Variants in NRXN1 observed in about 807,000 individuals in gnomAD.
NRXN1 encodes the protein neurexin 1.
Under a neutral mutation model 150.9 loss-of-function variants are expected in NRXN1, and 39 were observed. The ratio of observed to expected loss-of-function variants is 0.26; its 90% confidence interval spans 0.20 to 0.34. The LOEUF is 0.34. Among genes scored for constraint, NRXN1 ranks in the 10% least tolerant of loss-of-function variants. The pLI, the probability that NRXN1 is intolerant of heterozygous loss-of-function variation, is 1.00. For synonymous variants in NRXN1, 924 were observed against 757.0 expected (o/e 1.22, Z -3.62); for missense variants, 1,815 against 1,949.9 (o/e 0.93, Z 1.30).
chr2:50,610,732 A>G (rs1375111790), intron 8 of NRXN1, among the ~76,000 whole-genome samples: 1 of 131,362 alleles, frequency 7.6e-6, no homozygotes. Flanking sequence ...AGTCATTACT[A>G]GAACATAGCT....
intron 2 of NRXN1, among the ~76,000 whole-genome samples, chr2:50,979,723 C>A (rs756768244): frequency 2.0e-5 from 3 of 152,076 alleles, no homozygotes; most frequent in Non-Finnish European, 4.4e-5. Context: ...ACTGTACTTT[C>A]TCAGAAGAAA....
At chr2:50,908,480 C>T (rs1684056329) in intron 5 of NRXN1, among the ~76,000 whole-genome samples, 2 of 151,866 alleles carry the variant, frequency 1.3e-5, no homozygotes, top group South Asian at 4.1e-4. Context: ...TGCTCAGATA[C>T]CCAGGGATAG....
intron 18 of NRXN1, among the ~76,000 whole-genome samples, chr2:50,098,978 T>A (rs1216061553): frequency 6.6e-6 from 1 of 151,126 alleles, no homozygotes; most frequent in Admixed American, 6.6e-5. Flanking sequence ...TTAGGAGTAA[T>A]ACATTTTTAA....
At chr2:50,504,188 C>G (rs535500001) in intron 13 of NRXN1, among the ~76,000 whole-genome samples, 1 of 146,112 alleles carries the variant, frequency 6.8e-6, no homozygotes, top group African/African-American at 2.5e-5. Context: ...GCGCACTGTG[C>G]TGGAGGGGAA....
At chr2:50,668,543 A>T (rs972667572) in intron 5 of NRXN1, among the ~76,000 whole-genome samples, 43 of 152,034 alleles carry the variant, frequency 2.8e-4, no homozygotes, top group African/African-American at 8.9e-4. Context: ...TACAATTGGT[A>T]CAATAGGTTG....
At chr2:50,270,415 A>G (rs2069437569) in intron 17 of NRXN1, among the ~76,000 whole-genome samples, 1 of 152,152 alleles carries the variant, frequency 6.6e-6, no homozygotes, top group South Asian at 2.1e-4. Flanking sequence ...GCTTACCTTA[A>G]GTAGTATTAC....
chr2:50,474,041 C>A (rs1345277189), intron 15 of NRXN1, among the ~76,000 whole-genome samples: 1 of 133,988 alleles, frequency 7.5e-6, no homozygotes, highest in Admixed American at 6.9e-5. Flanking sequence ...GTATTTACTT[C>A]CCCCCTTTTA....
intron 17 of NRXN1, among the ~76,000 whole-genome samples, chr2:50,395,900 C>T (rs1328741102): frequency 6.6e-5 from 10 of 152,120 alleles, no homozygotes; most frequent in Non-Finnish European, 1.3e-4. Context: ...CAAGAACACT[C>T]CTGGTGACCC....
At chr2:50,986,421 A>G (rs1558538300) in intron 2 of NRXN1, among the ~76,000 whole-genome samples, 1 of 151,822 alleles carries the variant, frequency 6.6e-6, no homozygotes, top group South Asian at 2.1e-4. Context: ...AGTAAAAAAC[A>G]TTGAAACAAC....
chr2:50,264,813 A>G (rs1330773374), intron 17 of NRXN1, among the ~76,000 whole-genome samples: 2 of 152,102 alleles, frequency 1.3e-5, no homozygotes, highest in Non-Finnish European at 2.9e-5. Context: ...TCTTGGAGAC[A>G]AGAAGTGGGA....
chr2:50,139,248 C>T (rs1706883634), intron 18 of NRXN1, among the ~76,000 whole-genome samples: 2 of 150,464 alleles, frequency 1.3e-5, no homozygotes, highest in African/African-American at 2.5e-5. Flanking sequence ...GTTGCTTGAT[C>T]CTGGGAGGCA....
intron 2 of NRXN1, among the ~76,000 whole-genome samples, chr2:50,979,467 A>G (rs1696434489): frequency 6.6e-6 from 1 of 152,146 alleles, no homozygotes; most frequent in Non-Finnish European, 1.5e-5. Flanking sequence ...GCAACATATA[A>G]GAGTAATAAT....
intron 17 of NRXN1, among the ~76,000 whole-genome samples, chr2:50,380,720 G>A (rs2080896715): frequency 6.6e-6 from 1 of 152,050 alleles, no homozygotes; most frequent in African/African-American, 2.4e-5. Context: ...ATAAGTGATT[G>A]TTAGTATTAA....
At chr2:50,511,964 G>C (rs962658898) in intron 12 of NRXN1, among the ~76,000 whole-genome samples, 1 of 152,080 alleles carries the variant, frequency 6.6e-6, no homozygotes, top group African/African-American at 2.4e-5. Context: ...TAATGGTAAA[G>C]AAAATTGGAT....
rs963568536 is a variant in NRXN1, at chr2:50,259,690, C to A, written c.3365-22720G>T. On this transcript the variant is annotated intron_variant, in intron 17 of 22. Transcript: ENST00000401669. The stretch of plus-strand genomic sequence containing the variant: ...CTTTCAATAATACCTTTCCATGAAA[C>A]ACACATGAATTGGCTTTATCTGAAT... 5.3e-5 allele frequency among the ~76,000 whole-genome samples: 8 copies of A among 151,914 alleles called. No individual in the cohort carries two copies. The South Asian group carries it at 1.0e-3, about 20-fold the overall frequency.
At chr2:50,777,234 C>T (rs1703769910) in intron 5 of NRXN1, among the ~76,000 whole-genome samples, 1 of 151,922 alleles carries the variant, frequency 6.6e-6, no homozygotes, top group East Asian at 1.9e-4. Flanking sequence ...GGGTAAATTG[C>T]CTTTTTGTAA....
At chr2:50,978,580 G>A (rs1696286329) in intron 2 of NRXN1, among the ~76,000 whole-genome samples, 1 of 151,660 alleles carries the variant, frequency 6.6e-6, no homozygotes, top group South Asian at 2.1e-4. Flanking sequence ...ACTATAATGT[G>A]TGCATCTTTC....
chr2:50,313,096 G>A (rs2075311632), intron 17 of NRXN1, among the ~76,000 whole-genome samples: 2 of 152,082 alleles, frequency 1.3e-5, no homozygotes, highest in South Asian at 4.1e-4. Context: ...ATTTCTATGG[G>A]AAGATTTAGG....
intron 18 of NRXN1, among the ~76,000 whole-genome samples, chr2:50,152,632 C>A (rs2058761321): frequency 6.6e-6 from 1 of 151,708 alleles, no homozygotes; most frequent in East Asian, 1.9e-4. Context: ...TTTATTTTGG[C>A]ACTTTGAATA....
Sources: gnomAD v4.1 joint callset for allele counts (sites outside exome capture counted in the v4.1 genomes callset) on GRCh38, gnomAD v4.1.1 for gene constraint, MANE v1.5 for transcripts, NCBI Gene and HGNC (gene_info 2026-07-23, HGNC 2026-07-21) for gene names.